RGS17: variants seen among roughly 807,000 people sequenced by gnomAD.
RGS17 encodes the protein regulator of G protein signaling 17.
A neutral mutation model predicts 25.5 loss-of-function variants in RGS17; 12 were observed. That is an observed-to-expected ratio of 0.47 (90% confidence interval 0.30 to 0.76). The LOEUF (loss-of-function observed/expected upper bound fraction) is 0.76. Among genes scored for constraint, RGS17 ranks in the 30% least tolerant of loss-of-function variants. The pLI is 0.07. For synonymous variants in RGS17, 71 were observed against 76.9 expected (o/e 0.92, Z 0.40); for missense variants, 196 against 242.2 (o/e 0.81, Z 1.27).
intron 1 of RGS17, among the ~76,000 whole-genome samples, chr6:153,124,041 A>G (rs1777673284): frequency 6.6e-6 from 1 of 152,126 alleles, no homozygotes; most frequent in Non-Finnish European, 1.5e-5. Flanking sequence ...TCTTCCCCTT[A>G]TCTCTGAGTC....
chr6:153,035,123 C>T (rs1776222012), intron 2 of RGS17, among the ~76,000 whole-genome samples: 1 of 148,514 alleles, frequency 6.7e-6, no homozygotes, highest in African/African-American at 2.5e-5. Flanking sequence ...CACTGCACTG[C>T]AGCCTGGGTG....
intron 2 of RGS17, among the ~76,000 whole-genome samples, chr6:153,028,383 T>C (rs1779326197): frequency 6.6e-6 from 1 of 152,142 alleles, no homozygotes; most frequent in South Asian, 2.1e-4. Context: ...TAGCGTAGTG[T>C]AATTTTGGGG....
chr6:153,049,296 C>A (rs1372475906), intron 1 of RGS17, among the ~76,000 whole-genome samples: 1 of 151,880 alleles, frequency 6.6e-6, no homozygotes, highest in African/African-American at 2.4e-5. Context: ...AGTTCAATAG[C>A]AAAACCAAAA....
intron 4 of RGS17, among the ~76,000 whole-genome samples, chr6:153,021,831 G>A (rs372417044): frequency 2.0e-5 from 3 of 152,156 alleles, no homozygotes; most frequent in Admixed American, 6.5e-5. Flanking sequence ...ATTAGTGTAT[G>A]TCATTCTGGA....
chr6:153,077,067 CCTCATAA>C (rs1776892837), intron 1 of RGS17, among the ~76,000 whole-genome samples: 2 of 152,106 alleles, frequency 1.3e-5, no homozygotes, highest in African/African-American at 4.8e-5. Context: ...ACATTGTGTG[CCTCATAA>C]CTGATGCAAC....
chr6:153,061,722 A>G (rs1450705796), intron 1 of RGS17, among the ~76,000 whole-genome samples: 1 of 152,218 alleles, frequency 6.6e-6, no homozygotes, highest in Non-Finnish European at 1.5e-5. Context: ...GAAGGAGTTA[A>G]AACACATGAA....
chr6:153,118,661 T>C (rs1039361042), intron 1 of RGS17, among the ~76,000 whole-genome samples: 1 of 152,228 alleles, frequency 6.6e-6, no homozygotes, highest in Non-Finnish European at 1.5e-5. Context: ...TTGTTTTTAC[T>C]GCCTTGTGTG....
chr6:153,053,526 A>C lies in RGS17; in HGVS notation c.-25-9483T>G, dbSNP rs1776490216. Among the ~76,000 whole-genome samples, 7 of 152,316 alleles carry C rather than the reference A, an allele frequency of 4.6e-5. No homozygotes were observed. In the South Asian group the frequency reaches 1.4e-3, roughly 32 times the overall value. On this transcript the variant is annotated intron_variant, in intron 1 of 4. Coordinates refer to ENST00000206262, the MANE Select transcript of RGS17 (RefSeq NM_012419.5). ...CATGAATTTGGTATTGAGGCAGAGC[A>C]CGGTGGCTCATATCTGTAATTCCAG...
chr6:153,011,066 T>A lies in RGS17; in HGVS notation c.*508A>T, dbSNP rs544703840. 6.5e-6 allele frequency: 1 copy of A among 153,622 alleles called. No individual in the cohort carries two copies. The highest frequency in any genetic ancestry group is 2.4e-5 in the African/African-American group (1 of 41,554). 9.5% of individuals were successfully genotyped at this position (153,622 alleles called of 1,614,324 possible). A position where few individuals can be genotyped will look rare whatever the true frequency, so the allele number is the denominator to read the frequency against. ...AAATTAGTGTACTAAACACAGTATA[T>A]AGAATGTTGAATACCATTGTTACAT... On this transcript the variant is annotated 3_prime_UTR_variant, in exon 5 of 5. Transcript: ENST00000206262.
chr6:153,045,271 A>G (rs1776373065), intron 1 of RGS17, among the ~76,000 whole-genome samples: 3 of 152,212 alleles, frequency 2.0e-5, no homozygotes. Context: ...TCCACACTCC[A>G]GTGAGGTGTT....
chr6:153,024,406 C>G lies in RGS17; in HGVS notation c.300G>C (p.Glu100Asp), dbSNP rs368115593. 1.2e-6 allele frequency: 2 copies of G among 1,614,140 alleles called. No homozygotes were observed. Among genetic ancestry groups the G allele is most frequent in the Admixed American group, 1.7e-5 (1 of 60,014 alleles). Residue 100 changes from glutamate (E) to aspartate (D), a missense_variant, in exon 4 of 5, where the codon GAG becomes GAC. Transcript: ENST00000206262. ...KAPAGRNLFREFLRTEYSEEN... is the reference protein window; with the variant it reads ...KAPAGRNLFRDFLRTEYSEEN... ...CTTCACTGTATTCTGTTCGGAGGAA[C>G]TCTCTGAAAAGGTTTCTTCCTGCTG...
At chr6:153,064,699 T>C (rs1776683735) in intron 1 of RGS17, among the ~76,000 whole-genome samples, 1 of 152,148 alleles carries the variant, frequency 6.6e-6, no homozygotes, top group African/African-American at 2.4e-5. Flanking sequence ...GCTTCTTTAT[T>C]TGTTTATGCA....
intron 1 of RGS17, among the ~76,000 whole-genome samples, chr6:153,123,568 T>C (rs1777667483): frequency 6.6e-6 from 1 of 152,220 alleles, no homozygotes; most frequent in Admixed American, 6.5e-5. Flanking sequence ...CCTAGTGATT[T>C]TAACAAGTTG....
chr6:153,005,290 G>A lies in RGS17; in HGVS notation c.*6284C>T, dbSNP rs977191816. 3 of 152,172 alleles carry A rather than the reference G, an allele frequency of 2.0e-5. No individual in the cohort carries two copies. Among genetic ancestry groups the A allele is most frequent in the Non-Finnish European group, 2.9e-5 (2 of 68,034 alleles). 9.4% of individuals were successfully genotyped at this position (152,172 alleles called of 1,614,324 possible). Reference sequence around the variant, plus strand: ...AAATTCACTTTCACCTCTATTAGGTGAATATTCAGGCTAAGACTTCTGGAG... The same window carrying A: ...AAATTCACTTTCACCTCTATTAGGTAAATATTCAGGCTAAGACTTCTGGAG... On this transcript the variant is annotated 3_prime_UTR_variant, in exon 5 of 5. Coordinates refer to ENST00000206262, the MANE Select transcript of RGS17 (RefSeq NM_012419.5).
chr6:153,111,856 A>C (rs1346576084), intron 1 of RGS17, among the ~76,000 whole-genome samples: 2 of 152,222 alleles, frequency 1.3e-5, no homozygotes, highest in Non-Finnish European at 2.9e-5. Flanking sequence ...GACTGTTAGA[A>C]GCAAAACTAG....
chr6:153,051,021 T>C (rs192928391), intron 1 of RGS17, among the ~76,000 whole-genome samples: 174 of 152,292 alleles, frequency 1.1e-3, no homozygotes, highest in African/African-American at 3.6e-3. Flanking sequence ...GGAAAGAAGA[T>C]AGTCATCTAC....
At chr6:153,038,710 G>GC (rs1776283249) in intron 2 of RGS17, among the ~76,000 whole-genome samples, 1 of 152,120 alleles carries the variant, frequency 6.6e-6, no homozygotes, top group African/African-American at 2.4e-5. Context: ...ATGGATTTTT[G>GC]TTTTTCCTTT....
rs1777745201 is a variant in RGS17, at chr6:153,128,952, G to C, written c.-26+2172C>G. On this transcript the variant is annotated intron_variant, in intron 1 of 4. Coordinates refer to ENST00000206262, the MANE Select transcript of RGS17 (RefSeq NM_012419.5). Reference sequence around the variant, plus strand: ...AGTAGTTGCGGAACTATAGCAAAAAGGGTCGAAATCAATCAGCATAACAGA... The same window carrying C: ...AGTAGTTGCGGAACTATAGCAAAAACGGTCGAAATCAATCAGCATAACAGA... 7.2e-5 allele frequency among the ~76,000 whole-genome samples: 11 copies of C among 152,208 alleles called. No homozygotes were observed. In the South Asian group the frequency reaches 2.3e-3, roughly 32 times the overall value.
chr6:153,069,918 C>T (rs563680005), intron 1 of RGS17, among the ~76,000 whole-genome samples: 1 of 152,226 alleles, frequency 6.6e-6, no homozygotes, highest in Non-Finnish European at 1.5e-5. Context: ...ATAATGTATT[C>T]TCAGCAAACT....
Sources: gnomAD v4.1 joint callset for allele counts (sites outside exome capture counted in the v4.1 genomes callset) on GRCh38, gnomAD v4.1.1 for gene constraint, MANE v1.5 for transcripts, NCBI Gene and HGNC (gene_info 2026-07-23, HGNC 2026-07-21) for gene names.